The following INSM1 variants were observed in gnomAD, a reference collection of about 807,000 sequenced individuals.
INSM1 encodes INSM transcriptional repressor 1.
Under a neutral mutation model 21.1 loss-of-function variants are expected in INSM1, and 11 were observed. That is an observed-to-expected ratio of 0.52 (90% CI 0.33 to 0.86). INSM1 has a LOEUF of 0.86. Among genes scored for constraint, INSM1 ranks in the 40% least tolerant of loss-of-function variants. The probability of loss-of-function intolerance (pLI) is 0.03; values close to 1 mark genes in which losing one functional copy is unlikely to be tolerated. For missense variants in INSM1, 843 were observed against 760.1 expected (o/e 1.11, Z -1.28); for synonymous variants, 473 against 386.1 (o/e 1.23, Z -2.64).
Position 20,368,702 on chromosome 20 carries a change from C to T in INSM1, c.435C>T (p.Gly145=). ...TGCTCGGAGGGGGCGGCGGCGGCGG[C>T]GCGAGCGGAGCTGGCGGAGGCGGCA... is the stretch of plus-strand genomic sequence containing the variant. The part of the protein sequence containing the change: ...AALLGGGGGG[G]ASGAGGGGTC... Residue 145 remains glycine (G), a synonymous_variant, in exon 1 of 1, where the codon GGC becomes GGT. Transcript: ENST00000310227. This position sits in a 1 kb window ranked among gnomAD's most constrained non-coding sequence, Gnocchi z 4.3. The T allele has an allele frequency of 7.8e-7, 1 of 1,274,290 alleles. No homozygotes were observed. The highest frequency in any genetic ancestry group is 1.0e-6 in the Non-Finnish European group (1 of 996,336). The allele number at this position is 1,274,290 out of a possible 1,614,324, so 78.9% of individuals were successfully genotyped here. A position where few individuals can be genotyped will look rare whatever the true frequency, so the allele number is the denominator to read the frequency against.
rs558430749 is a variant in INSM1 at position 20,370,739 on chromosome 20, AC to A, written c.*941del. 17 of 167,110 alleles carry A rather than the reference AC, an allele frequency of 1.0e-4. No individual in the cohort carries two copies. In the East Asian group the frequency reaches 3.1e-3, roughly 30 times the overall value. 10.4% of individuals were successfully genotyped at this position (167,110 alleles called of 1,614,324 possible). On this transcript the variant is annotated 3_prime_UTR_variant, in exon 1 of 1. Transcript: ENST00000310227. ...ATCTGCTTAAAGTTTTAACTTTTAT[AC>A]CTATCTGAGTGAATTACAGACAACC...
Position 20,368,413 on chromosome 20 carries a change from TC to T in INSM1, c.150del (p.Pro52ArgfsTer55), listed in dbSNP as rs1349430005. The stretch of plus-strand genomic sequence containing the variant: ...GCCGAGCCCCCGGCGCCGAGCCCGG[TC>T]CCCGGGCCGCTGCCGCCGCCGCCGC... ...ARAEPPAPSP[V>X]PGPLPPPPPA... is the part of the protein sequence containing the mutation. On this transcript the variant is annotated frameshift_variant, in exon 1 of 1. Transcript: ENST00000310227. LOFTEE classifies it low-confidence loss of function (END_TRUNC). The surrounding 1 kb of genome is among the most constrained non-coding windows in gnomAD (Gnocchi z 4.3). 1 of 992,618 alleles carries T rather than the reference TC, an allele frequency of 1.0e-6. No individual in the cohort carries two copies. Among genetic ancestry groups the T allele is most frequent in the Non-Finnish European group, 1.2e-6 (1 of 836,900 alleles). The allele number at this position is 992,618 out of a possible 1,614,324, so 61.5% of individuals were successfully genotyped here.
Position 20,369,650 on chromosome 20 carries a change from C to T in INSM1, c.1383C>T (p.Arg461=), listed in dbSNP as rs771181787. 4.4e-6 allele frequency: 7 copies of T among 1,600,596 alleles called. No individual in the cohort carries two copies. The highest frequency in any genetic ancestry group is 5.9e-6 in the Non-Finnish European group (7 of 1,179,796). Residue 461 remains arginine, a synonymous_variant, in exon 1 of 1, where the codon CGC becomes CGT. Transcript: ENST00000310227. This position sits in a 1 kb window ranked among gnomAD's most constrained non-coding sequence, Gnocchi z 5.6. ...ASKGAQERHL[R]LLHAAQVFPC... ...AGGGCGCTCAGGAGCGCCACCTGCG[C>T]CTGCTGCACGCCGCCCAGGTGTTCC...
Position 20,368,221 on chromosome 20 carries a change from C to G in INSM1, c.-47C>G. The G allele has an allele frequency of 9.3e-7, 1 of 1,077,698 alleles. No individual in the cohort carries two copies. Among genetic ancestry groups the G allele is most frequent in the South Asian group, 3.8e-5 (1 of 26,318 alleles). 66.8% of individuals were successfully genotyped at this position (1,077,698 alleles called of 1,614,324 possible). ...GGCACTGAGGGCCGCCGGGGCCGAGCGCGGAGGGGGGACCGAGCCAGTGCC... is the reference window on the plus strand; with the variant it reads ...GGCACTGAGGGCCGCCGGGGCCGAGGGCGGAGGGGGGACCGAGCCAGTGCC... On this transcript the variant is annotated 5_prime_UTR_variant, in exon 1 of 1. Transcript: ENST00000310227. This position sits in a 1 kb window ranked among gnomAD's most constrained non-coding sequence, Gnocchi z 4.3.
chr20:20,368,285 G>C lies in INSM1; in HGVS notation c.18G>C (p.Leu6=), dbSNP rs1398452397. MPRGF[L]VKRSKKSTPV... ...GCGCCAACATGCCCCGCGGCTTCCT[G>C]GTGAAGCGCAGCAAGAAGTCCACGC... The change falls in exon 1 of 1, where the codon CTG becomes CTC. Residue 6 remains leucine (L), a synonymous_variant. Coordinates refer to ENST00000310227, the MANE Select transcript of INSM1 (RefSeq NM_002196.3). This position sits in a 1 kb window ranked among gnomAD's most constrained non-coding sequence, Gnocchi z 4.3. The C allele has an allele frequency of 3.8e-6, 5 of 1,303,328 alleles. No homozygotes were observed. The highest frequency in any genetic ancestry group is 4.9e-6 in the Non-Finnish European group (5 of 1,010,688). The allele number at this position is 1,303,328 out of a possible 1,614,324, so 80.7% of individuals were successfully genotyped here.
chr20:20,368,395 C>A lies in INSM1; in HGVS notation c.128C>A (p.Pro43His), dbSNP rs774973303. Residue 43 changes from proline (P) to histidine (H), a missense_variant, in exon 1 of 1, where the codon CCC (proline) becomes CAC (histidine). Physicochemically the swap from Pro to His is moderately conservative, Grantham distance 77. Transcript: ENST00000310227. The surrounding 1 kb of genome is among the most constrained non-coding windows in gnomAD (Gnocchi z 4.3). ...AGCTGCGGGGGCGCCCGCGCCGAGC[C>A]CCCGGCGCCGAGCCCGGTCCCCGGG... ...SPSCGGARAE[P>H]PAPSPVPGPL... 2.0e-6 allele frequency: 2 copies of A among 1,020,614 alleles called. No individual in the cohort carries two copies. Among genetic ancestry groups the A allele is most frequent in the Non-Finnish European group, 2.3e-6 (2 of 853,902 alleles). 63.2% of individuals were successfully genotyped at this position (1,020,614 alleles called of 1,614,324 possible). A position where few individuals can be genotyped will look rare whatever the true frequency, so the allele number is the denominator to read the frequency against.
In INSM1 at chr20:20,368,383, C is replaced by T. The variant is rs769511239; in HGVS notation, c.116C>T (p.Ala39Val). ...ALLLSPSCGG[A>V]RAEPPAPSPV... Reference sequence around the variant, plus strand: ...CTGCTCTCGCCCAGCTGCGGGGGCGCCCGCGCCGAGCCCCCGGCGCCGAGC... The same window carrying T: ...CTGCTCTCGCCCAGCTGCGGGGGCGTCCGCGCCGAGCCCCCGGCGCCGAGC... The change falls in exon 1 of 1, where the codon GCC (alanine) becomes GTC (valine). Residue 39 changes from alanine to valine, a missense_variant. Physicochemically the swap from Ala to Val is moderately conservative, Grantham distance 64. Transcript: ENST00000310227. This position sits in a 1 kb window ranked among gnomAD's most constrained non-coding sequence, Gnocchi z 4.3. 291 of 1,062,580 alleles carry T rather than the reference C, an allele frequency of 2.7e-4. No individual in the cohort carries two copies. The highest frequency in any genetic ancestry group is 3.2e-4 in the Non-Finnish European group (284 of 878,354). 65.8% of individuals were successfully genotyped at this position (1,062,580 alleles called of 1,614,324 possible).
rs1253439931 is a variant in INSM1 at position 20,369,867 on chromosome 20, T to C, written c.*67T>C. 16 of 1,434,050 alleles carry C rather than the reference T, an allele frequency of 1.1e-5. No homozygotes were observed. The highest frequency in any genetic ancestry group is 1.4e-5 in the African/African-American group (1 of 69,620). 88.8% of individuals were successfully genotyped at this position (1,434,050 alleles called of 1,614,324 possible). A position where few individuals can be genotyped will look rare whatever the true frequency, so the allele number is the denominator to read the frequency against. The stretch of plus-strand genomic sequence containing the variant: ...GGAGACCCACAAAGAGAGTGCGCCC[T>C]GCACTCCCCGAACCCGAGTCCGCGC... On this transcript the variant is annotated 3_prime_UTR_variant, in exon 1 of 1. Transcript: ENST00000310227. This position sits in a 1 kb window ranked among gnomAD's most constrained non-coding sequence, Gnocchi z 5.6.
rs1264234823 is a variant in INSM1 at position 20,368,116 on chromosome 20, G to C, written c.-152G>C. ...GCCGGGCCCGGGGACAGGGACGCGC[G>C]TGCAGGGCGCAGAGCTGGGCCGAGC... On this transcript the variant is annotated 5_prime_UTR_variant, in exon 1 of 1. Coordinates refer to ENST00000310227, the MANE Select transcript of INSM1 (RefSeq NM_002196.3). The surrounding 1 kb of genome is among the most constrained non-coding windows in gnomAD (Gnocchi z 4.3). The C allele has an allele frequency of 2.4e-6, 1 of 421,964 alleles. No individual in the cohort carries two copies. Among genetic ancestry groups the C allele is most frequent in the Non-Finnish European group, 3.3e-6 (1 of 306,006 alleles). 26.1% of individuals were successfully genotyped at this position (421,964 alleles called of 1,614,324 possible).
rs1314531352 is a variant in INSM1, at chr20:20,369,882, C to T, written c.*82C>T. 14 of 1,245,592 alleles carry T rather than the reference C, an allele frequency of 1.1e-5. No homozygotes were observed. The highest frequency in any genetic ancestry group is 1.4e-5 in the Non-Finnish European group (13 of 913,882). The allele number at this position is 1,245,592 out of a possible 1,614,324, so 77.2% of individuals were successfully genotyped here. A position where few individuals can be genotyped will look rare whatever the true frequency, so the allele number is the denominator to read the frequency against. Reference sequence around the variant, plus strand: ...GAGTGCGCCCTGCACTCCCCGAACCCGAGTCCGCGCTGGGGGAGCCTCGCC... The same window carrying T: ...GAGTGCGCCCTGCACTCCCCGAACCTGAGTCCGCGCTGGGGGAGCCTCGCC... On this transcript the variant is annotated 3_prime_UTR_variant, in exon 1 of 1. Transcript: ENST00000310227. The surrounding 1 kb of genome is among the most constrained non-coding windows in gnomAD (Gnocchi z 5.6).
At position 20,368,548 on chromosome 20, in the gene INSM1, C is replaced by G; in HGVS notation, c.281C>G (p.Ala94Gly). 1 of 1,383,530 alleles carries G rather than the reference C, an allele frequency of 7.2e-7. No homozygotes were observed. The highest frequency in any genetic ancestry group is 9.5e-7 in the Non-Finnish European group (1 of 1,049,736). 85.7% of individuals were successfully genotyped at this position (1,383,530 alleles called of 1,614,324 possible). Reference sequence around the variant, plus strand: ...GCGCACTTCGGCAACCCCGAGGCTGCGCACCCCGCGCCGCTCTACAGTCCC... The same window carrying G: ...GCGCACTTCGGCAACCCCGAGGCTGGGCACCCCGCGCCGCTCTACAGTCCC... ...RAAHFGNPEA[A>G]HPAPLYSPTR... Residue 94 changes from alanine to glycine, a missense_variant, in exon 1 of 1, where the codon GCG becomes GGG. Physicochemically the swap from Ala to Gly is moderately conservative, Grantham distance 60. Coordinates refer to ENST00000310227, the MANE Select transcript of INSM1 (RefSeq NM_002196.3). The surrounding 1 kb of genome is among the most constrained non-coding windows in gnomAD (Gnocchi z 4.3).
Position 20,368,910 on chromosome 20 carries a change from G to C in INSM1, c.643G>C (p.Val215Leu), listed in dbSNP as rs773262471. The C allele has an allele frequency of 2.0e-6, 3 of 1,508,224 alleles. No individual in the cohort carries two copies. The South Asian group carries it at 3.8e-5, about 19-fold the overall frequency. 93.4% of individuals were successfully genotyped at this position (1,508,224 alleles called of 1,614,324 possible). A position where few individuals can be genotyped will look rare whatever the true frequency, so the allele number is the denominator to read the frequency against. ...PTAAEPPAKA[V>L]KAPGAKKPKA... ...CGCCGCGGAGCCGCCCGCCAAGGCA[G>C]TCAAGGCCCCGGGCGCCAAGAAGCC... The change falls in exon 1 of 1, where the codon GTC (valine) becomes CTC (leucine). Residue 215 changes from valine (V) to leucine (L), a missense_variant. Val to Leu is a conservative substitution (Grantham distance 32, BLOSUM62 1). Transcript: ENST00000310227. The surrounding 1 kb of genome is among the most constrained non-coding windows in gnomAD (Gnocchi z 4.3).
At position 20,369,360 on chromosome 20, in the gene INSM1, G is replaced by T. The variant is rs776036572; in HGVS notation, c.1093G>T (p.Gly365Trp). The T allele has an allele frequency of 1.1e-5, 16 of 1,504,544 alleles. No homozygotes were observed. In the South Asian group the frequency reaches 1.4e-4, roughly 13 times the overall value. The allele number at this position is 1,504,544 out of a possible 1,614,324, so 93.2% of individuals were successfully genotyped here. ...GGVSESGSED[G>W]LYECHHCAKK... Reference sequence around the variant, plus strand: ...CGTGTCCGAGTCGGGCTCCGAGGACGGGCTCTACGAGTGCCATCACTGCGC... The same window carrying T: ...CGTGTCCGAGTCGGGCTCCGAGGACTGGCTCTACGAGTGCCATCACTGCGC... The change falls in exon 1 of 1, where the codon GGG becomes TGG. Residue 365 changes from glycine to tryptophan, a missense_variant. Transcript: ENST00000310227. This position sits in a 1 kb window ranked among gnomAD's most constrained non-coding sequence, Gnocchi z 5.6.
rs2059484340 is a variant in INSM1 at position 20,368,444 on chromosome 20, G to C, written c.177G>C (p.Ala59=). Residue 59 remains alanine (A), a synonymous_variant, in exon 1 of 1, where the codon GCG becomes GCC. Transcript: ENST00000310227. This position sits in a 1 kb window ranked among gnomAD's most constrained non-coding sequence, Gnocchi z 4.3. ...VPGPLPPPPP[A]ERAHAALAAA... is the part of the protein sequence containing the mutation. ...GGCCGCTGCCGCCGCCGCCGCCCGC[G>C]GAGCGCGCCCATGCAGCGCTCGCCG... is the stretch of plus-strand genomic sequence containing the variant. The C allele has an allele frequency of 6.0e-6, 6 of 994,882 alleles. No individual in the cohort carries two copies. Among genetic ancestry groups the C allele is most frequent in the Non-Finnish European group, 4.8e-6 (4 of 837,554 alleles). The allele number at this position is 994,882 out of a possible 1,614,324, so 61.6% of individuals were successfully genotyped here. A position where few individuals can be genotyped will look rare whatever the true frequency, so the allele number is the denominator to read the frequency against.
rs2059482489 is a variant in INSM1 at position 20,368,164 on chromosome 20, CCGCAGCCG to C, written c.-102_-95del. On this transcript the variant is annotated 5_prime_UTR_variant, in exon 1 of 1. Transcript: ENST00000310227. The surrounding 1 kb of genome is among the most constrained non-coding windows in gnomAD (Gnocchi z 4.3). ...AGCCGTCGCCGGCGCCACGCGAGTC[CCGCAGCCG>C]CCGCGCCCGGGCAATGGGCCGGGGG... is the stretch of plus-strand genomic sequence containing the variant. 1.1e-6 allele frequency: 1 copy of C among 894,188 alleles called. No homozygotes were observed. Among genetic ancestry groups the C allele is most frequent in the East Asian group, 8.5e-5 (1 of 11,736 alleles). The allele number at this position is 894,188 out of a possible 1,614,324, so 55.4% of individuals were successfully genotyped here.
Position 20,369,951 on chromosome 20 carries a change from G to A in INSM1, c.*151G>A, listed in dbSNP as rs568701574. On this transcript the variant is annotated 3_prime_UTR_variant, in exon 1 of 1. Coordinates refer to ENST00000310227, the MANE Select transcript of INSM1 (RefSeq NM_002196.3). This position sits in a 1 kb window ranked among gnomAD's most constrained non-coding sequence, Gnocchi z 5.6. ...AAGTGTCGTCTCCGCTTCTCTCGGT[G>A]TGGCGTGACGGTAACCCCATACTCT... is the stretch of plus-strand genomic sequence containing the variant. 182 of 678,542 alleles carry A rather than the reference G, an allele frequency of 2.7e-4. 3 individuals are homozygous for A. In the South Asian group the frequency reaches 3.3e-3, roughly 12 times the overall value. 42.0% of individuals were successfully genotyped at this position (678,542 alleles called of 1,614,324 possible).
Position 20,369,751 on chromosome 20 carries a change from A to G in INSM1, c.1484A>G (p.Glu495Gly). ...CACATCAACAAGTGCCACCCATCCG[A>G]AAACAGACAGGTGATCCTCCTGCAG... is the stretch of plus-strand genomic sequence containing the variant. ...TRHINKCHPSENRQVILLQVP... is the reference protein window; with the variant it reads ...TRHINKCHPSGNRQVILLQVP... Residue 495 changes from glutamate to glycine, a missense_variant, in exon 1 of 1, where the codon GAA becomes GGA. Glu to Gly is a moderately conservative substitution (Grantham distance 98). Coordinates refer to ENST00000310227, the MANE Select transcript of INSM1 (RefSeq NM_002196.3). This position sits in a 1 kb window ranked among gnomAD's most constrained non-coding sequence, Gnocchi z 5.6. 1.2e-6 allele frequency: 2 copies of G among 1,603,746 alleles called. No individual in the cohort carries two copies. Among genetic ancestry groups the G allele is most frequent in the Non-Finnish European group, 1.7e-6 (2 of 1,179,098 alleles).
Position 20,369,659 on chromosome 20 carries a change from C to A in INSM1, c.1392C>A (p.His464Gln). The change falls in exon 1 of 1, where the codon CAC becomes CAA. Residue 464 changes from histidine (H) to glutamine (Q), a missense_variant. His to Gln is a conservative substitution (Grantham distance 24). Transcript: ENST00000310227. This position sits in a 1 kb window ranked among gnomAD's most constrained non-coding sequence, Gnocchi z 5.6. The stretch of plus-strand genomic sequence containing the variant: ...AGGAGCGCCACCTGCGCCTGCTGCA[C>A]GCCGCCCAGGTGTTCCCCTGCAAGT... ...GAQERHLRLLHAAQVFPCKYC... is the reference protein window; with the variant it reads ...GAQERHLRLLQAAQVFPCKYC... The A allele has an allele frequency of 6.2e-7, 1 of 1,600,694 alleles. No homozygotes were observed. The highest frequency in any genetic ancestry group is 8.5e-7 in the Non-Finnish European group (1 of 1,179,800).
rs2059489203 is a variant in INSM1, at chr20:20,369,234, C to G, written c.967C>G (p.Pro323Ala). 7.6e-6 allele frequency: 11 copies of G among 1,449,630 alleles called. No individual in the cohort carries two copies. The highest frequency in any genetic ancestry group is 1.4e-5 in the South Asian group (1 of 72,486). The allele number at this position is 1,449,630 out of a possible 1,614,324, so 89.8% of individuals were successfully genotyped here. A position where few individuals can be genotyped will look rare whatever the true frequency, so the allele number is the denominator to read the frequency against. ...CCGCTGGCACAAACCGCGGCCCGCG[C>G]CCGCCGCCGCCCGCGCGCCGGAGCC... ...HRRWHKPRPA[P>A]AAARAPEPEA... is the part of the protein sequence containing the mutation. Residue 323 changes from proline to alanine, a missense_variant, in exon 1 of 1, where the codon CCC becomes GCC. Pro to Ala is a conservative substitution (Grantham distance 27, BLOSUM62 -1). Transcript: ENST00000310227. The surrounding 1 kb of genome is among the most constrained non-coding windows in gnomAD (Gnocchi z 5.6).
Sources: allele counts gnomAD v4.1 joint callset, GRCh38; gene constraint gnomAD v4.1.1; non-coding constraint Gnocchi (gnomAD v3.1); transcripts MANE v1.5; gene names NCBI Gene and HGNC (gene_info 2026-07-23, HGNC 2026-07-21).